CLYBL: variants seen among roughly 807,000 people sequenced by gnomAD.
The protein encoded by CLYBL is citramalyl-CoA lyase, also known as citramalyl-CoA lyase, mitochondrial.
CLYBL carries 31 observed loss-of-function variants against 38.9 expected under a neutral mutation model. That is an observed-to-expected ratio of 0.80 (90% confidence interval 0.60 to 1.08). The LOEUF is 1.08. Ranked by LOEUF, CLYBL falls within the 50% of genes least tolerant of loss-of-function variation. The pLI is 0.00. For synonymous variants in CLYBL, 171 were observed against 158.6 expected, an observed-to-expected ratio of 1.08 and a Z score of -0.59; for missense variants, 434 against 411.6, an observed-to-expected ratio of 1.05 and a Z score of -0.47.
chr13:99,732,503 C>T (rs2048609049), intron 1 of CLYBL, among the ~76,000 whole-genome samples: 1 of 152,030 alleles, frequency 6.6e-6, no homozygotes, highest in Admixed American at 6.6e-5. Context: ...TTTTTTCTTT[C>T]TTTGGTTTCG....
At chr13:99,755,800 C>T (rs545596138) in intron 1 of CLYBL, among the ~76,000 whole-genome samples, 1 of 152,294 alleles carries the variant, frequency 6.6e-6, no homozygotes, top group Admixed American at 6.5e-5. Context: ...CTGTCACTGT[C>T]CTGCATGTTC....
intron 2 of CLYBL, among the ~76,000 whole-genome samples, chr13:99,831,118 C>A (rs1416133056): frequency 6.6e-6 from 1 of 152,218 alleles, no homozygotes; most frequent in Non-Finnish European, 1.5e-5. Context: ...GCTGCAGGGA[C>A]TGCCAGCAGC....
At chr13:99,668,242 C>G (rs2047511414) in intron 1 of CLYBL, among the ~76,000 whole-genome samples, 2 of 149,936 alleles carry the variant, frequency 1.3e-5, no homozygotes, top group Non-Finnish European at 3.0e-5. Context: ...CCACTGCACT[C>G]CAGCCTGGGC....
rs181130348 is a variant in CLYBL, at chr13:99,814,477, C to A, written c.249+41467C>A. On this transcript the variant is annotated intron_variant, in intron 2 of 8. Coordinates refer to ENST00000339105, the MANE Select transcript of CLYBL (RefSeq NM_206808.5). ...GTGGCTTATAATTGTAATTCCTGCACTTTGGGAGGCCAAGGCAAGAGGATC... is the reference window on the plus strand; with the variant it reads ...GTGGCTTATAATTGTAATTCCTGCAATTTGGGAGGCCAAGGCAAGAGGATC... 2.0e-4 allele frequency among the ~76,000 whole-genome samples: 31 copies of A among 152,334 alleles called. 1 individual carries two copies. In the East Asian group the frequency reaches 5.4e-3, roughly 27 times the overall value.
chr13:99,749,188 A>AAAAAG (rs944747338), intron 1 of CLYBL, among the ~76,000 whole-genome samples: 4 of 152,096 alleles, frequency 2.6e-5, no homozygotes, highest in Admixed American at 6.5e-5. Flanking sequence ...TCAAAAAAAA[A>AAAAAG]AAAAGAAAAG....
At chr13:99,609,299 C>T (rs1057308048) in intron 1 of CLYBL, among the ~76,000 whole-genome samples, 59 of 149,984 alleles carry the variant, frequency 3.9e-4, no homozygotes, top group African/African-American at 1.4e-3. Flanking sequence ...GCTCCAGCTT[C>T]CCGAGTAGTT....
chr13:99,783,697 G>A (rs965189533), intron 2 of CLYBL, among the ~76,000 whole-genome samples: 15 of 151,970 alleles, frequency 9.9e-5, no homozygotes, highest in African/African-American at 3.1e-4. Flanking sequence ...CGCCCGCCTC[G>A]GCCTCCCAAA....
chr13:99,883,901 T>C (rs1401002764), intron 7 of CLYBL, among the ~76,000 whole-genome samples: 2 of 152,212 alleles, frequency 1.3e-5, no homozygotes, highest in Non-Finnish European at 2.9e-5. Context: ...GCTCCTTCTC[T>C]CTGCAGCTCC....
chr13:99,632,256 A>G (rs1174450611), intron 1 of CLYBL, among the ~76,000 whole-genome samples: 3 of 152,236 alleles, frequency 2.0e-5, no homozygotes, highest in African/African-American at 7.2e-5. Context: ...AAACCTGGTG[A>G]AAAAGTAGCA....
intron 1 of CLYBL, among the ~76,000 whole-genome samples, chr13:99,759,378 G>A (rs1299335211): frequency 3.9e-5 from 6 of 152,282 alleles, no homozygotes; most frequent in Non-Finnish European, 8.8e-5. Context: ...AAGGAGAGAG[G>A]GAATAAAAAT....
chr13:99,824,257 G>GCCCCCCCCCCCCCCCCCCCCC (rs57450534), intron 2 of CLYBL, among the ~76,000 whole-genome samples: 7 of 130,402 alleles, frequency 5.4e-5, no homozygotes, highest in Admixed American at 8.3e-5. Flanking sequence ...CTGACTAATA[G>GCCCCCCCCCCCCCCCCCCCCC]CCCCCCCCAC....
intron 6 of CLYBL, among the ~76,000 whole-genome samples, chr13:99,867,095 C>T (rs1392864670): frequency 6.6e-6 from 1 of 151,888 alleles, no homozygotes. Context: ...ATCTATTTTT[C>T]GAAAAACCAC....
At chr13:99,868,097 A>AT (rs1015334544) in intron 6 of CLYBL, among the ~76,000 whole-genome samples, 4 of 151,944 alleles carry the variant, frequency 2.6e-5, no homozygotes, top group Admixed American at 2.0e-4. Flanking sequence ...CTAAAAAAAA[A>AT]GGGGGGAAGC....
At chr13:99,772,414 C>T (rs16956897) in intron 1 of CLYBL, among the ~76,000 whole-genome samples, 3,184 of 152,102 alleles carry the variant, frequency 0.021, 44 homozygotes, top group Non-Finnish European at 0.033. Context: ...AAAGATTATC[C>T]AGCTAGGCAT....
chr13:99,631,331 A>ATGTGTGTGTG (rs10643696), intron 1 of CLYBL, among the ~76,000 whole-genome samples: 3,562 of 145,228 alleles, frequency 0.025, 59 homozygotes, highest in African/African-American at 0.031. Flanking sequence ...CCAAATATTT[A>ATGTGTGTGTG]TGTGTGTGTG....
At chr13:99,779,854 A>G (rs925656376) in intron 2 of CLYBL, among the ~76,000 whole-genome samples, 2 of 152,164 alleles carry the variant, frequency 1.3e-5, no homozygotes, top group African/African-American at 2.4e-5. Context: ...GAGAAATGTG[A>G]TGTGAATGGT....
chr13:99,734,919 C>T (rs973686562), intron 1 of CLYBL, among the ~76,000 whole-genome samples: 1 of 152,102 alleles, frequency 6.6e-6, no homozygotes, highest in African/African-American at 2.4e-5. Context: ...ACTATAAAAT[C>T]TACCCAGTTT....
At chr13:99,890,551 C>T (rs962198943) in intron 7 of CLYBL, among the ~76,000 whole-genome samples, 5 of 152,130 alleles carry the variant, frequency 3.3e-5, no homozygotes, top group African/African-American at 4.8e-5. Flanking sequence ...CTGCAACCTC[C>T]ACCTCCTGGG....
chr13:99,762,277 T>C (rs1053961953), intron 1 of CLYBL, among the ~76,000 whole-genome samples: 9 of 152,232 alleles, frequency 5.9e-5, no homozygotes, highest in African/African-American at 2.2e-4. Flanking sequence ...AGTGTTTTTT[T>C]TCTAGTAGTT....
Sources: gnomAD v4.1 joint callset for allele counts (sites outside exome capture counted in the v4.1 genomes callset) on GRCh38, gnomAD v4.1.1 for gene constraint, MANE v1.5 for transcripts, NCBI Gene and HGNC (gene_info 2026-07-23, HGNC 2026-07-21) for gene names.